TIAM1: variants seen among roughly 807,000 people sequenced by gnomAD.
TIAM1 encodes the protein rho guanine nucleotide exchange factor TIAM1.
TIAM1 carries 65 observed loss-of-function variants against 163.5 expected under a neutral mutation model. The ratio of observed to expected loss-of-function variants is 0.40; its 90% CI spans 0.33 to 0.49. TIAM1 has a LOEUF of 0.49. TIAM1 is among the 20% of genes least tolerant of loss of function. The pLI is 0.77. For missense variants in TIAM1, 1,789 were observed against 2,044.7 expected (o/e 0.87, Z 2.41); for synonymous variants, 833 against 810.1 (o/e 1.03, Z -0.48).
chr21:31,318,394 C>T lies in TIAM1; in HGVS notation c.-189+20849G>A, dbSNP rs547265987. On this transcript the variant is annotated intron_variant, in intron 2 of 27. Coordinates refer to ENST00000541036, the MANE Select transcript of TIAM1 (RefSeq NM_001353694.2). ...TGCTGGGATTACAGGCGTGAGCCAC[C>T]GTGCCCAGCCACAGGATAAAATTCT... Among the ~76,000 whole-genome samples the T allele has an allele frequency of 7.2e-5, 11 of 152,316 alleles. No homozygotes were observed. In the South Asian group the frequency reaches 1.2e-3, roughly 17 times the overall value.
At chr21:31,199,402 C>G (rs922465185) in intron 12 of TIAM1, among the ~76,000 whole-genome samples, 3 of 152,180 alleles carry the variant, frequency 2.0e-5, no homozygotes, top group South Asian at 2.1e-4. Context: ...CCCTCCCCCC[C>G]ACCATCTCCT....
chr21:31,515,667 C>T (rs1157934763), intron 1 of TIAM1, among the ~76,000 whole-genome samples: 2 of 152,302 alleles, frequency 1.3e-5, no homozygotes, highest in Non-Finnish European at 2.9e-5. Context: ...CATCTTCAGA[C>T]ATGCAGCGCC....
intron 1 of TIAM1, among the ~76,000 whole-genome samples, chr21:31,465,077 AG>A (rs1272730541): frequency 6.6e-6 from 1 of 151,770 alleles, no homozygotes; most frequent in Admixed American, 6.6e-5. Context: ...ATGCAACTGT[AG>A]TCCCAGCGAC....
chr21:31,558,345 G>A (rs1601103241), intron 1 of TIAM1, among the ~76,000 whole-genome samples: 1 of 152,190 alleles, frequency 6.6e-6, no homozygotes, highest in East Asian at 2.0e-4. Flanking sequence ...GTTCGTCGCG[G>A]GTCCCCAGCT....
intron 12 of TIAM1, 78 bp downstream of exon 12, chr21:31,202,830 C>A: frequency 7.2e-7 from 1 of 1,388,180 alleles, no homozygotes; most frequent in Non-Finnish European, 1.0e-6. Context: ...ACTCCACCAA[C>A]TACAATTAAC....
intron 2 of TIAM1, among the ~76,000 whole-genome samples, chr21:31,423,809 C>T (rs1008372073): frequency 3.9e-5 from 5 of 127,316 alleles, no homozygotes; most frequent in East Asian, 2.4e-4. Context: ...ATGAAACGTC[C>T]GGAATAGGCA....
chr21:31,437,860 A>G (rs1237138525), intron 2 of TIAM1, among the ~76,000 whole-genome samples: 1 of 152,232 alleles, frequency 6.6e-6, no homozygotes, highest in Non-Finnish European at 1.5e-5. Flanking sequence ...CTCTTTATAA[A>G]TTACCAAATT....
At chr21:31,372,663 C>T (rs1039064981) in intron 2 of TIAM1, among the ~76,000 whole-genome samples, 1 of 152,084 alleles carries the variant, frequency 6.6e-6, no homozygotes, top group African/African-American at 2.4e-5. Context: ...GGCTATGTAC[C>T]AACATGACAT....
chr21:31,124,260 G>A lies in TIAM1; in HGVS notation c.4306+262C>T, dbSNP rs76577491. 913 of 363,280 alleles carry A rather than the reference G, an allele frequency of 2.5e-3. 10 individuals carry two copies. The highest frequency in any genetic ancestry group is 0.017 in the African/African-American group (836 of 48,012). The allele number at this position is 363,280 out of a possible 1,614,324, so 22.5% of individuals were successfully genotyped here. A position where few individuals can be genotyped will look rare whatever the true frequency, so the allele number is the denominator to read the frequency against. On this transcript the variant is annotated intron_variant, in intron 27 of 27. Coordinates refer to ENST00000541036, the MANE Select transcript of TIAM1 (RefSeq NM_001353694.2). ...GCAACCCGACTTGGCAAATGAGGGA[G>A]GAGCTCACCAGCCAAAAGGAGAAGG...
chr21:31,372,639 T>C (rs1446386225), intron 2 of TIAM1, among the ~76,000 whole-genome samples: 1 of 152,112 alleles, frequency 6.6e-6, no homozygotes, highest in African/African-American at 2.4e-5. Context: ...TTTGAAAAAC[T>C]AGGTAGCTAG....
intron 2 of TIAM1, among the ~76,000 whole-genome samples, chr21:31,377,033 CTTTTTTTTTTT>C (rs35487868): frequency 3.7e-5 from 3 of 80,920 alleles, no homozygotes; most frequent in African/African-American, 9.8e-5. Flanking sequence ...TCATTTTTGT[CTTTTTTTTTTT>C]TTTTTTTTTT....
chr21:31,250,151 GAAAA>G (rs755928120), intron 5 of TIAM1, among the ~76,000 whole-genome samples: 8 of 58,866 alleles, frequency 1.4e-4, no homozygotes, highest in Non-Finnish European at 1.8e-4. Context: ...GTCTCAAACA[GAAAA>G]AAAAAAAAAA....
intron 1 of TIAM1, among the ~76,000 whole-genome samples, chr21:31,470,917 C>G (rs1486921601): frequency 6.6e-6 from 1 of 152,148 alleles, no homozygotes; most frequent in African/African-American, 2.4e-5. Context: ...CACCACCCCT[C>G]CAGCCGCCAC....
chr21:31,445,171 A>G lies in TIAM1; in HGVS notation c.-369+18812T>C, dbSNP rs2044575876. On this transcript the variant is annotated intron_variant, in intron 2 of 28. Transcript: ENST00000286827. ...ATCAAATGTCGCAGGCTAATGTGAGAAACAGTCTATGATGATGAGTGAATC... is the reference window on the plus strand; with the variant it reads ...ATCAAATGTCGCAGGCTAATGTGAGGAACAGTCTATGATGATGAGTGAATC... Among the ~76,000 whole-genome samples, 7 of 48,174 alleles carry G rather than the reference A, an allele frequency of 1.5e-4. No homozygotes were observed. In the South Asian group the frequency reaches 5.5e-3, roughly 38 times the overall value. The allele number at this position is 48,174 out of a possible 152,430, so 31.6% of individuals were successfully genotyped here.
rs550985964 is a variant in TIAM1 at position 31,217,726 on chromosome 21, C to T, written c.1996-27G>A. 243 of 1,610,044 alleles carry T rather than the reference C, an allele frequency of 1.5e-4. 1 individual carries two copies. The South Asian group carries it at 2.5e-3, about 17-fold the overall frequency. On this transcript the variant is annotated intron_variant, in intron 8 of 27. Transcript: ENST00000541036. ...TGAGGATGGCAAGGACAAGCAGCCACAAGGGAGATGCATCAGGACCACCCA... is the reference window on the plus strand; with the variant it reads ...TGAGGATGGCAAGGACAAGCAGCCATAAGGGAGATGCATCAGGACCACCCA...
intron 22 of TIAM1, among the ~76,000 whole-genome samples, chr21:31,139,481 TAACTA>T (rs2082749276): frequency 6.6e-6 from 1 of 152,294 alleles, no homozygotes; most frequent in African/African-American, 2.4e-5. Flanking sequence ...CTTCAAGATA[TAACTA>T]AACATATACA....
intron 2 of TIAM1, among the ~76,000 whole-genome samples, chr21:31,352,333 G>A (rs543991222): frequency 6.6e-6 from 1 of 152,164 alleles, no homozygotes; most frequent in East Asian, 1.9e-4. Flanking sequence ...GACACAAAAG[G>A]ACAAATATTG....
At position 31,489,579 on chromosome 21, in the gene TIAM1, C is replaced by A. The variant is rs867039213; in HGVS notation, c.-421-25544G>T. On this transcript the variant is annotated intron_variant, in intron 1 of 28. Transcript: ENST00000286827. Reference sequence around the variant, plus strand: ...CTAAGGGAAAAGTGCAGACCCCCCCCCCCTTGGCAGATGGGAGGGGCCACC... The same window carrying A: ...CTAAGGGAAAAGTGCAGACCCCCCCACCCTTGGCAGATGGGAGGGGCCACC... 4.6e-5 allele frequency among the ~76,000 whole-genome samples: 7 copies of A among 151,170 alleles called. No individual in the cohort carries two copies. The East Asian group carries it at 5.8e-4, about 13-fold the overall frequency.
At chr21:31,533,236 G>T in intron 1 of TIAM1, among the ~76,000 whole-genome samples, 1 of 152,122 alleles carries the variant, frequency 6.6e-6, no homozygotes, top group Middle Eastern at 3.4e-3. Context: ...CAGGAGAATC[G>T]CTTGAACATG....
Sources: allele counts gnomAD v4.1 joint callset (sites outside exome capture counted in the v4.1 genomes callset), GRCh38; gene constraint gnomAD v4.1.1; transcripts MANE v1.5; gene names NCBI Gene and HGNC (gene_info 2026-07-23, HGNC 2026-07-21).